The following PTPN3 variants were observed in gnomAD, a reference collection of about 807,000 sequenced individuals.
PTPN3 encodes tyrosine-protein phosphatase non-receptor type 3.
Under a neutral mutation model 132.7 loss-of-function variants are expected in PTPN3, and 96 were observed. The observed-to-expected ratio is 0.72, with a 90% CI of 0.61 to 0.86. The LOEUF is 0.86. Among genes scored for constraint, PTPN3 ranks in the 40% least tolerant of loss-of-function variants. The probability of loss-of-function intolerance (pLI) is 0.00; values close to 1 mark genes in which losing one functional copy is unlikely to be tolerated. For missense variants in PTPN3, 1,125 were observed against 1,159.6 expected (o/e 0.97, Z 0.43); for synonymous variants, 398 against 429.0 (o/e 0.93, Z 0.89).
At chr9:109,509,103 A>G in the PTPN3 span, among the ~76,000 whole-genome samples, 1 of 152,300 alleles carries the variant, frequency 6.6e-6, no homozygotes, top group Non-Finnish European at 1.5e-5. Flanking sequence ...GAGTGAGCTA[A>G]TTCCAAACCA....
chr9:109,493,450 A>C (rs1286290871), intron 1 of PTPN3, among the ~76,000 whole-genome samples: 1 of 151,938 alleles, frequency 6.6e-6, no homozygotes, highest in Admixed American at 6.6e-5. Context: ...AATTCACTTC[A>C]CTCTACACTG....
At chr9:109,491,965 G>A (rs530465797) in intron 1 of PTPN3, among the ~76,000 whole-genome samples, 113 of 152,344 alleles carry the variant, frequency 7.4e-4, no homozygotes, top group Admixed American at 9.8e-4. Context: ...CTGGAAGCAG[G>A]AGAGGGCATG....
intron 12 of PTPN3, among the ~76,000 whole-genome samples, chr9:109,423,508 A>G (rs1843025262): frequency 6.6e-6 from 1 of 152,228 alleles, no homozygotes; most frequent in South Asian, 2.1e-4. Context: ...TGGGAGGCTG[A>G]GGCATGAGAA....
chr9:109,520,492 G>C, the PTPN3 span, among the ~76,000 whole-genome samples: 2 of 152,372 alleles, frequency 1.3e-5, no homozygotes, highest in East Asian at 3.9e-4. Flanking sequence ...CAGCATGACA[G>C]AGTAAACTGC....
chr9:109,460,034 A>G (rs1463633209), intron 2 of PTPN3, among the ~76,000 whole-genome samples: 1 of 151,948 alleles, frequency 6.6e-6, no homozygotes, highest in Non-Finnish European at 1.5e-5. Flanking sequence ...TGACTCTTCT[A>G]TCTCGTACCA....
At chr9:109,470,146 C>A (rs1846305505) in intron 1 of PTPN3, among the ~76,000 whole-genome samples, 1 of 152,120 alleles carries the variant, frequency 6.6e-6, no homozygotes, top group South Asian at 2.1e-4. Flanking sequence ...CCACCCTAGA[C>A]AATGATTCAT....
At chr9:109,488,995 G>A (rs1410310457) in intron 1 of PTPN3, among the ~76,000 whole-genome samples, 1 of 152,180 alleles carries the variant, frequency 6.6e-6, no homozygotes, top group Admixed American at 6.5e-5. Context: ...ACAGGGATGT[G>A]GGCGTTGGTG....
rs1838805111 is a variant in PTPN3 at position 109,379,088 on chromosome 9, G to A, written c.*468C>T. 6.4e-6 allele frequency: 1 copy of A among 156,968 alleles called. No individual in the cohort carries two copies. The highest frequency in any genetic ancestry group is 1.9e-4 in the East Asian group (1 of 5,318). The allele number at this position is 156,968 out of a possible 1,614,324, so 9.7% of individuals were successfully genotyped here. A position where few individuals can be genotyped will look rare whatever the true frequency, so the allele number is the denominator to read the frequency against. On this transcript the variant is annotated 3_prime_UTR_variant, in exon 26 of 26. Coordinates refer to ENST00000374541, the MANE Select transcript of PTPN3 (RefSeq NM_002829.4). ...TCAGGGTTTCCTTAGCATCAGGGCG[G>A]GTGAATCTGAATTGTTCCAGCTCCA...
intron 22 of PTPN3, among the ~76,000 whole-genome samples, chr9:109,384,802 C>G (rs1839429774): frequency 6.6e-6 from 1 of 152,246 alleles, no homozygotes; most frequent in African/African-American, 2.4e-5. Flanking sequence ...TCTATTCTTA[C>G]TTTCAAATGT....
chr9:109,393,594 C>T (rs935950007), intron 19 of PTPN3, among the ~76,000 whole-genome samples: 23 of 151,910 alleles, frequency 1.5e-4, no homozygotes, highest in African/African-American at 5.1e-4. Flanking sequence ...ATCATGTTGG[C>T]CAGGCTGGTC....
chr9:109,425,007 G>T (rs1290458257), intron 12 of PTPN3, among the ~76,000 whole-genome samples: 1 of 152,174 alleles, frequency 6.6e-6, no homozygotes, highest in African/African-American at 2.4e-5. Context: ...GGTTTCAGTT[G>T]CCTCCCCATT....
At chr9:109,426,799 G>A (rs941185820) in intron 12 of PTPN3, 151 bp downstream of exon 12, 1 of 838,400 alleles carries the variant, frequency 1.2e-6, no homozygotes, top group Non-Finnish European at 1.8e-6. Flanking sequence ...GCTGACCCCG[G>A]GAGACTTTTA....
the PTPN3 span, among the ~76,000 whole-genome samples, chr9:109,515,236 G>A: frequency 6.6e-6 from 1 of 152,068 alleles, no homozygotes; most frequent in African/African-American, 2.4e-5. Context: ...TGTTGCCCAG[G>A]CTGGTCTTGA....
chr9:109,408,437 CAAAA>C, intron 16 of PTPN3, 60 bp from the exon 17 acceptor site: 1 of 1,380,600 alleles, frequency 7.2e-7, no homozygotes, highest in Non-Finnish European at 1.0e-6. Flanking sequence ...AACAAACAAA[CAAAA>C]AAACGAGTAG....
the PTPN3 span, among the ~76,000 whole-genome samples, chr9:109,523,048 G>T: frequency 6.6e-6 from 1 of 151,474 alleles, no homozygotes; most frequent in Non-Finnish European, 1.5e-5. Context: ...TAGGATTGTT[G>T]TGAGGATTAA....
At chr9:109,463,588 T>C (rs1845954339) in intron 1 of PTPN3, 137 bp from the exon 2 acceptor site, 8 of 694,594 alleles carry the variant, frequency 1.2e-5, no homozygotes, top group Non-Finnish European at 1.7e-5. Context: ...TAGCAGATCA[T>C]GTTTCCAATT....
At position 109,422,743 on chromosome 9, in the gene PTPN3, G is replaced by C. The variant is rs1237196580; in HGVS notation, c.1111C>G (p.Arg371Gly). 5 of 1,610,342 alleles carry C rather than the reference G, an allele frequency of 3.1e-6. No individual in the cohort carries two copies. In the Admixed American group the frequency reaches 8.3e-5, roughly 27 times the overall value. ...EHLETKSLPS[R>G]SPPITPNWRS... Reference sequence around the variant, plus strand: ...CAGTTGGGAGTAATGGGAGGGGAACGAGAAGGCAGACTCTTGGTTTCTAAG... The same window carrying C: ...CAGTTGGGAGTAATGGGAGGGGAACCAGAAGGCAGACTCTTGGTTTCTAAG... Residue 371 changes from arginine (R) to glycine (G), a missense_variant, in exon 13 of 26, where the codon CGT (arginine) becomes GGT (glycine). Transcript: ENST00000374541.
chr9:109,493,771 CG>C (rs1302379113), intron 1 of PTPN3, among the ~76,000 whole-genome samples: 1 of 152,152 alleles, frequency 6.6e-6, no homozygotes, highest in Non-Finnish European at 1.5e-5. Context: ...GGCTGTTTCC[CG>C]GCACATCTAT....
intron 22 of PTPN3, among the ~76,000 whole-genome samples, chr9:109,387,008 T>C (rs1053041493): frequency 6.6e-6 from 1 of 151,896 alleles, no homozygotes; most frequent in Non-Finnish European, 1.5e-5. Context: ...TGAGTGGATG[T>C]GGGAAGTGAA....
Sources: gnomAD v4.1 joint callset for allele counts (sites outside exome capture counted in the v4.1 genomes callset) on GRCh38, gnomAD v4.1.1 for gene constraint, MANE v1.5 for transcripts, NCBI Gene and HGNC (gene_info 2026-07-23, HGNC 2026-07-21) for gene names.